CCDC30: variants seen among roughly 807,000 people sequenced by gnomAD.
CCDC30 encodes coiled-coil domain-containing protein 30.
In CCDC30, 70 loss-of-function variants were observed where a neutral mutation model predicts 100.2. The observed-to-expected ratio is 0.70, with a 90% CI of 0.58 to 0.85. The LOEUF (loss-of-function observed/expected upper bound fraction) is 0.85. CCDC30 is among the 40% of genes least tolerant of loss of function. The probability of loss-of-function intolerance (pLI) is 0.00; values close to 1 mark genes in which losing one functional copy is unlikely to be tolerated. For synonymous variants in CCDC30, 233 were observed against 269.5 expected, an observed-to-expected ratio of 0.86 and a Z score of 1.33; for missense variants, 652 against 771.2, an observed-to-expected ratio of 0.85 and a Z score of 1.83.
intron 6 of CCDC30, among the ~76,000 whole-genome samples, chr1:42,521,427 A>G (rs1033001760): frequency 6.6e-6 from 1 of 152,228 alleles, no homozygotes; most frequent in African/African-American, 2.4e-5. Flanking sequence ...GATACTTTGT[A>G]TGATATCTGT....
At chr1:42,630,254 C>T (rs899163360) in intron 11 of CCDC30, among the ~76,000 whole-genome samples, 9 of 152,146 alleles carry the variant, frequency 5.9e-5, no homozygotes, top group Admixed American at 2.6e-4. Flanking sequence ...GGATTACAGG[C>T]GTGAGCCACT....
rs192985730 is a variant in CCDC30, at chr1:42,581,097, T to A, written c.847-263T>A. 3 of 384,328 alleles carry A rather than the reference T, an allele frequency of 7.8e-6. No individual in the cohort carries two copies. In the Admixed American group the frequency reaches 1.2e-4, roughly 16 times the overall value. 23.8% of individuals were successfully genotyped at this position (384,328 alleles called of 1,614,324 possible). A position where few individuals can be genotyped will look rare whatever the true frequency, so the allele number is the denominator to read the frequency against. On this transcript the variant is annotated intron_variant, in intron 8 of 16. Transcript: ENST00000668663. Reference sequence around the variant, plus strand: ...CTCAAGCGATTCACCCAGCTCAGCCTCCCACAGTTCTGGGATTACAGGCGT... The same window carrying A: ...CTCAAGCGATTCACCCAGCTCAGCCACCCACAGTTCTGGGATTACAGGCGT...
intron 7 of CCDC30, among the ~76,000 whole-genome samples, chr1:42,567,090 G>T (rs927808114): frequency 1.3e-5 from 2 of 152,116 alleles, no homozygotes; most frequent in Non-Finnish European, 2.9e-5. Flanking sequence ...CTCTATTGAA[G>T]GTTCTAAAAT....
At chr1:42,568,835 C>T (rs1415371358) in intron 7 of CCDC30, among the ~76,000 whole-genome samples, 1 of 149,352 alleles carries the variant, frequency 6.7e-6, no homozygotes, top group Admixed American at 6.7e-5. Context: ...CCCAGCTACT[C>T]GGGAGGCTGA....
chr1:42,566,261 T>C lies in CCDC30; in HGVS notation c.457-35T>C, dbSNP rs181630474. The C allele has an allele frequency of 6.0e-4, 911 of 1,529,340 alleles. 12 individuals are homozygous for C. Among genetic ancestry groups the C allele is most frequent in the Middle Eastern group, 1.2e-3 (7 of 5,886 alleles). 94.7% of individuals were successfully genotyped at this position (1,529,340 alleles called of 1,614,324 possible). ...CATGTTTTACCAATATTCTTTCCAATTGTCTGTGTTTCTCTTTTAAAATGT... is the reference window on the plus strand; with the variant it reads ...CATGTTTTACCAATATTCTTTCCAACTGTCTGTGTTTCTCTTTTAAAATGT... On this transcript the variant is annotated intron_variant, in intron 6 of 16. Transcript: ENST00000668663.
chr1:42,492,341 G>T, intron 4 of CCDC30: 1 of 204,060 alleles, frequency 4.9e-6, no homozygotes, highest in Non-Finnish European at 1.0e-5. Flanking sequence ...TCTTCTCCAT[G>T]ATGTCTTTGT....
chr1:42,468,939 A>G (rs1643676287), intron 1 of CCDC30, among the ~76,000 whole-genome samples: 1 of 152,148 alleles, frequency 6.6e-6, no homozygotes, highest in Admixed American at 6.5e-5. Context: ...ATGGAAGAGG[A>G]GGAACCCAGG....
At chr1:42,472,252 C>T (rs150542384) in intron 1 of CCDC30, among the ~76,000 whole-genome samples, 1 of 151,276 alleles carries the variant, frequency 6.6e-6, no homozygotes, top group South Asian at 2.1e-4. Flanking sequence ...GACTCCATCT[C>T]AAAGAAAAAA....
chr1:42,524,601 T>C (rs1239098865), intron 6 of CCDC30, among the ~76,000 whole-genome samples: 1 of 151,902 alleles, frequency 6.6e-6, no homozygotes. Flanking sequence ...AGAACACAAA[T>C]CCCCAATACT....
intron 6 of CCDC30, 57 bp from the exon 11 acceptor site, chr1:42,566,239 G>A (rs1341926126): frequency 7.2e-7 from 1 of 1,383,952 alleles, no homozygotes; most frequent in Non-Finnish European, 1.0e-6. Flanking sequence ...TTGAACCCAT[G>A]TTTTACCAAT....
At chr1:42,525,383 AT>A (rs554742283) in intron 6 of CCDC30, among the ~76,000 whole-genome samples, 2 of 151,472 alleles carry the variant, frequency 1.3e-5, no homozygotes, top group African/African-American at 4.9e-5. Context: ...AAGTTCACTC[AT>A]TTTTTTTCTG....
Position 42,556,143 on chromosome 1 carries a change from T to C in CCDC30, c.457-10153T>C, listed in dbSNP as rs780927997. ...AGCATTTTGATAGATTTTATTCTTA[T>C]ATTTGCACCAAGTCCCAAATTAGGA... On this transcript the variant is annotated intron_variant, in intron 6 of 16. Transcript: ENST00000668663. 1.2e-6 allele frequency: 2 copies of C among 1,602,260 alleles called. No homozygotes were observed. Among genetic ancestry groups the C allele is most frequent in the Admixed American group, 1.8e-5 (1 of 56,992 alleles).
At chr1:42,638,724 A>C (rs1647212582) in intron 12 of CCDC30, among the ~76,000 whole-genome samples, 1 of 152,076 alleles carries the variant, frequency 6.6e-6, no homozygotes, top group African/African-American at 2.4e-5. Context: ...AAATACAAAA[A>C]AATTAGCCGA....
intron 1 of CCDC30, among the ~76,000 whole-genome samples, chr1:42,464,436 G>A (rs1379183901): frequency 1.3e-5 from 2 of 152,164 alleles, no homozygotes; most frequent in Non-Finnish European, 2.9e-5. Context: ...CCCAACACTG[G>A]GGATATGATG....
chr1:42,539,152 A>G lies in CCDC30; in HGVS notation c.457-27144A>G, dbSNP rs1395960220. ...AAATAGTCTTATTTTATTCTACTAA[A>G]TGTCTTCATTTCTTAATCAGGAATT... On this transcript the variant is annotated intron_variant, in intron 6 of 16. Coordinates refer to ENST00000668663, the Ensembl canonical transcript of CCDC30. 3.9e-6 allele frequency: 6 copies of G among 1,534,364 alleles called. No individual in the cohort carries two copies. In the Admixed American group the frequency reaches 7.7e-5, roughly 20 times the overall value.
At chr1:42,601,841 C>T (rs542037385) in intron 10 of CCDC30, among the ~76,000 whole-genome samples, 6 of 152,132 alleles carry the variant, frequency 3.9e-5, no homozygotes, top group Non-Finnish European at 5.9e-5. Context: ...GCAAGGAGAC[C>T]GTGACCAGCC....
chr1:42,636,763 C>T (rs774961409), intron 11 of CCDC30, among the ~76,000 whole-genome samples: 13 of 151,712 alleles, frequency 8.6e-5, no homozygotes, highest in South Asian at 2.1e-4. Flanking sequence ...GTCAGGAGTT[C>T]GAGACCAGCC....
At chr1:42,614,047 G>A (rs917528200) in intron 11 of CCDC30, among the ~76,000 whole-genome samples, 4 of 151,818 alleles carry the variant, frequency 2.6e-5, no homozygotes, top group African/African-American at 9.7e-5. Flanking sequence ...CTATTGATGG[G>A]GGAGAGAGGT....
At chr1:42,475,603 A>C (rs184848587) in intron 1 of CCDC30, among the ~76,000 whole-genome samples, 25 of 152,348 alleles carry the variant, frequency 1.6e-4, no homozygotes, top group Admixed American at 3.3e-4. Context: ...GGGAAAAATT[A>C]TATCTTCTAC....
Sources: allele counts gnomAD v4.1 joint callset (sites outside exome capture counted in the v4.1 genomes callset), GRCh38; gene constraint gnomAD v4.1.1; transcripts MANE v1.5; gene names NCBI Gene and HGNC (gene_info 2026-07-23, HGNC 2026-07-21).